The following LHCGR variants were observed in gnomAD, a reference collection of about 807,000 sequenced individuals.
The protein encoded by LHCGR is lutropin-choriogonadotropic hormone receptor.
A neutral mutation model predicts 60.7 loss-of-function variants in LHCGR; 55 were observed. The observed-to-expected ratio is 0.91, with a 90% CI of 0.73 to 1.13. The LOEUF is 1.13. Ranked by LOEUF, LHCGR falls within the 50% of genes most tolerant of loss-of-function variation. The pLI, the probability that LHCGR is intolerant of heterozygous loss-of-function variation, is 0.00. For synonymous variants in LHCGR, 337 were observed against 316.5 expected (o/e 1.06, Z -0.69); for missense variants, 862 against 836.0 (o/e 1.03, Z -0.38).
intron 6 of LHCGR, among the ~76,000 whole-genome samples, chr2:48,719,178 C>A (rs868512503): frequency 8.5e-5 from 13 of 152,124 alleles, no homozygotes; most frequent in Middle Eastern, 3.4e-3. Flanking sequence ...AAAAATTAGC[C>A]GGGCATGGTG....
intron 6 of LHCGR, among the ~76,000 whole-genome samples, chr2:48,718,633 A>T (rs13013236): frequency 0.36 from 54,991 of 152,098 alleles, 11,174 homozygotes; most frequent in Non-Finnish European, 0.47. Flanking sequence ...AAATGACTAT[A>T]CAAACAGAAT....
chr2:48,708,407 C>A (rs753391101), intron 8 of LHCGR, among the ~76,000 whole-genome samples: 1 of 152,172 alleles, frequency 6.6e-6, no homozygotes, highest in Non-Finnish European at 1.5e-5. Flanking sequence ...AAATTCATAT[C>A]TTGACGTTCC....
At chr2:48,738,678 T>G (rs1031938677) in intron 1 of LHCGR, among the ~76,000 whole-genome samples, 3 of 152,214 alleles carry the variant, frequency 2.0e-5, no homozygotes, top group Non-Finnish European at 4.4e-5. Flanking sequence ...ATGTGGCCAC[T>G]GGGCAGTTGA....
chr2:48,720,271 A>G lies in LHCGR; in HGVS notation c.536+3185T>C, dbSNP rs534362613. On this transcript the variant is annotated intron_variant, in intron 6 of 10. Transcript: ENST00000294954. ...TGGGGTGGCCCAGTCTTGTGAGCTC[A>G]TAGTTACCTATGGATTATCCCAACA... 9 of 152,272 alleles carry G rather than the reference A, an allele frequency of 5.9e-5. 1 individual carries two copies. The South Asian group carries it at 1.9e-3, about 32-fold the overall frequency. 9.4% of individuals were successfully genotyped at this position (152,272 alleles called of 1,614,324 possible). A position where few individuals can be genotyped will look rare whatever the true frequency, so the allele number is the denominator to read the frequency against.
rs554465424 is a variant in LHCGR, at chr2:48,732,724, G to T, written c.162-1426C>A. Among the ~76,000 whole-genome samples, 3 of 152,306 alleles carry T rather than the reference G, an allele frequency of 2.0e-5. No homozygotes were observed. The South Asian group carries it at 6.2e-4, about 32-fold the overall frequency. On this transcript the variant is annotated intron_variant, in intron 1 of 10. Coordinates refer to ENST00000294954, the MANE Select transcript of LHCGR (RefSeq NM_000233.4). ...CCTTGCTTCTCCTGAGAGGAAGCAT[G>T]TCACATTCGCTCTATTTCTTCTGCA...
At chr2:48,733,476 C>T (rs1402745814) in intron 1 of LHCGR, among the ~76,000 whole-genome samples, 2 of 152,108 alleles carry the variant, frequency 1.3e-5, no homozygotes, top group East Asian at 3.8e-4. Flanking sequence ...CAGAAGCAGC[C>T]CTGGTGCAAG....
intron 8 of LHCGR, among the ~76,000 whole-genome samples, chr2:48,705,867 T>C (rs1416214831): frequency 6.6e-6 from 1 of 152,226 alleles, no homozygotes; most frequent in Non-Finnish European, 1.5e-5. Context: ...TCTGTGTCTT[T>C]TATTTGGGGC....
chr2:48,744,472 G>T (rs1161010104), intron 1 of LHCGR, among the ~76,000 whole-genome samples: 1 of 103,012 alleles, frequency 9.7e-6, no homozygotes, highest in African/African-American at 4.1e-5. Flanking sequence ...AACCAAAACA[G>T]CATGGTACTG....
intron 1 of LHCGR, among the ~76,000 whole-genome samples, chr2:48,745,396 CAT>C (rs1251822820): frequency 6.6e-6 from 1 of 152,124 alleles, no homozygotes; most frequent in African/African-American, 2.4e-5. Flanking sequence ...CACATGCACA[CAT>C]ATGTTTATTG....
chr2:48,709,091 A>G (rs1667851612), intron 7 of LHCGR, 69 bp from the exon 8 acceptor site: 2 of 1,161,376 alleles, frequency 1.7e-6, no homozygotes, highest in East Asian at 2.3e-5. Context: ...CTCCATATAC[A>G]CATGTTTAGA....
intron 6 of LHCGR, chr2:48,719,935 C>G (rs549588308): frequency 9.2e-5 from 14 of 152,272 alleles, no homozygotes; most frequent in African/African-American, 2.9e-4. Context: ...CCTTTGCTTA[C>G]AGAGGGGCCC....
intron 1 of LHCGR, among the ~76,000 whole-genome samples, chr2:48,749,209 C>T (rs533805327): frequency 1.6e-4 from 24 of 152,286 alleles, no homozygotes; most frequent in African/African-American, 5.3e-4. Context: ...GAGTGGTTTG[C>T]CAGGAGGTGG....
chr2:48,686,808 A>G lies in LHCGR; in HGVS notation c.*889T>C, dbSNP rs1342504881. On this transcript the variant is annotated 3_prime_UTR_variant, in exon 11 of 11. Coordinates refer to ENST00000294954, the MANE Select transcript of LHCGR (RefSeq NM_000233.4). ...AATATTTAAACATTTTATTTCATTC[A>G]AATAAAAATATAAGCTCTAGAAAAA... 4 of 152,192 alleles carry G rather than the reference A, an allele frequency of 2.6e-5. No homozygotes were observed. Among genetic ancestry groups the G allele is most frequent in the Non-Finnish European group, 4.4e-5 (3 of 68,030 alleles). 9.4% of individuals were successfully genotyped at this position (152,192 alleles called of 1,614,324 possible).
At chr2:48,727,923 T>G (rs1668811248) in intron 3 of LHCGR, among the ~76,000 whole-genome samples, 1 of 152,174 alleles carries the variant, frequency 6.6e-6, no homozygotes. Flanking sequence ...TGTGGTATAG[T>G]GGAAAATCTG....
At chr2:48,748,699 AAT>A (rs1260521225) in intron 1 of LHCGR, among the ~76,000 whole-genome samples, 9 of 152,302 alleles carry the variant, frequency 5.9e-5, no homozygotes, top group African/African-American at 2.2e-4. Flanking sequence ...TTATTACAAT[AAT>A]ACCTTGTAGC....
intron 1 of LHCGR, among the ~76,000 whole-genome samples, chr2:48,745,044 C>T (rs1221030129): frequency 6.6e-6 from 1 of 152,094 alleles, no homozygotes; most frequent in Non-Finnish European, 1.5e-5. Context: ...AGGACATGAA[C>T]AGACACTTCT....
In LHCGR at chr2:48,688,505, A is replaced by G. The variant is rs150303063; in HGVS notation, c.1292T>C (p.Ile431Thr). Reference protein sequence around the residue: ...QTKGQYYNHAIDWQTGSGCST... With the variant: ...QTKGQYYNHATDWQTGSGCST... ...GCACCCACTCCCTGTCTGCCAGTCT[A>G]TGGCATGGTTATAGTACTGGCCCTT... is the stretch of plus-strand genomic sequence containing the variant. The change falls in exon 11 of 11, where the codon ATA becomes ACA. Residue 431 changes from isoleucine (I) to threonine (T), a missense_variant. Coordinates refer to ENST00000294954, the MANE Select transcript of LHCGR (RefSeq NM_000233.4). This position sits in a 1 kb window ranked among gnomAD's most constrained non-coding sequence, Gnocchi z 5.2. The G allele has an allele frequency of 4.3e-6, 7 of 1,614,182 alleles. No homozygotes were observed. Among genetic ancestry groups the G allele is most frequent in the South Asian group, 1.1e-5 (1 of 91,080 alleles).
At chr2:48,753,661 G>T (rs1241589793) in intron 1 of LHCGR, among the ~76,000 whole-genome samples, 1 of 152,152 alleles carries the variant, frequency 6.6e-6, no homozygotes, top group East Asian at 1.9e-4. Flanking sequence ...AGGGAAGGGG[G>T]TCCCCTCCTG....
chr2:48,700,214 T>TG (rs1263690077), intron 8 of LHCGR, among the ~76,000 whole-genome samples: 4 of 152,314 alleles, frequency 2.6e-5, no homozygotes, highest in African/African-American at 9.6e-5. Context: ...GAAGATCTGG[T>TG]GGCTTTTTTG....
Sources: allele counts gnomAD v4.1 joint callset (sites outside exome capture counted in the v4.1 genomes callset), GRCh38; gene constraint gnomAD v4.1.1; non-coding constraint Gnocchi (gnomAD v3.1); transcripts MANE v1.5; gene names NCBI Gene and HGNC (gene_info 2026-07-23, HGNC 2026-07-21).